The following SEMA3C variants were observed in gnomAD, a reference collection of about 807,000 sequenced individuals.
SEMA3C encodes semaphorin-3C.
In SEMA3C, 47 loss-of-function variants were observed where a neutral mutation model predicts 89.4. The observed-to-expected ratio is 0.53, with a 90% CI of 0.42 to 0.67. The LOEUF is 0.67. SEMA3C is among the 30% of genes least tolerant of loss of function. The pLI is 0.00. For synonymous variants in SEMA3C, 310 were observed against 320.2 expected (o/e 0.97, Z 0.34); for missense variants, 839 against 929.1 (o/e 0.90, Z 1.26).
chr7:80,822,435 A>G (rs1562891366), intron 4 of SEMA3C, among the ~76,000 whole-genome samples: 1 of 152,088 alleles, frequency 6.6e-6, no homozygotes, highest in East Asian at 1.9e-4. Flanking sequence ...AACAGCATGA[A>G]CAGAAACACA....
In SEMA3C at chr7:80,815,554, C is replaced by CAAAAAAAAAAAAAAAAAAAAAAAAAAA. The variant is rs761990267; in HGVS notation, c.447+2744_447+2745insTTTTTTTTTTTTTTTTTTTTTTTTTTT. ...AAACCCAATCCTTTCTTTAAATGGGCAAAAAAAAAAAAAAAAAAAGTAAAT... is the reference window on the plus strand; with the variant it reads ...AAACCCAATCCTTTCTTTAAATGGGCAAAAAAAAAAAAAAAAAAAAAAAAAAAAAAAAAAAAAAAAAAAAAAGTAAAT... On this transcript the variant is annotated intron_variant, in intron 5 of 17. Coordinates refer to ENST00000265361, the MANE Select transcript of SEMA3C (RefSeq NM_006379.5). Among the ~76,000 whole-genome samples the CAAAAAAAAAAAAAAAAAAAAAAAAAAA allele has an allele frequency of 1.1e-3, 67 of 58,850 alleles. 4 individuals carry two copies. The highest frequency in any genetic ancestry group is 1.7e-3 in the Non-Finnish European group (53 of 30,848). The allele number at this position is 58,850 out of a possible 152,430, so 38.6% of individuals were successfully genotyped here.
chr7:80,778,270 C>G (rs1178011613), intron 12 of SEMA3C, among the ~76,000 whole-genome samples: 1 of 152,082 alleles, frequency 6.6e-6, no homozygotes, highest in East Asian at 1.9e-4. Flanking sequence ...AGAATTGTTT[C>G]TATTTATATT....
intron 2 of SEMA3C, among the ~76,000 whole-genome samples, chr7:80,881,415 C>G (rs1031175207): frequency 1.3e-5 from 2 of 152,056 alleles, no homozygotes; most frequent in African/African-American, 4.8e-5. Flanking sequence ...TTTTTTATCA[C>G]TAACATAGCA....
At chr7:80,909,684 A>AG (rs1792098659) in intron 2 of SEMA3C, among the ~76,000 whole-genome samples, 1 of 152,178 alleles carries the variant, frequency 6.6e-6, no homozygotes, top group Admixed American at 6.5e-5. Flanking sequence ...GGATTGACTA[A>AG]GGGGAATATG....
At chr7:80,820,435 G>T (rs1020080443) in intron 4 of SEMA3C, among the ~76,000 whole-genome samples, 4 of 151,860 alleles carry the variant, frequency 2.6e-5, no homozygotes, top group East Asian at 1.9e-4. Flanking sequence ...TGCTAAAATA[G>T]AAGTTAAAAT....
At chr7:80,868,294 A>G (rs533862081) in intron 2 of SEMA3C, among the ~76,000 whole-genome samples, 1 of 151,924 alleles carries the variant, frequency 6.6e-6, no homozygotes, top group South Asian at 2.1e-4. Flanking sequence ...CTGAGACAAG[A>G]TCTTACTCTG....
At chr7:80,776,151 G>A (rs1041381492) in intron 12 of SEMA3C, among the ~76,000 whole-genome samples, 3 of 151,854 alleles carry the variant, frequency 2.0e-5, no homozygotes, top group African/African-American at 7.3e-5. Flanking sequence ...CACCGTATAT[G>A]TACAAGACCG....
At chr7:80,867,127 G>T (rs1251749533) in intron 2 of SEMA3C, among the ~76,000 whole-genome samples, 1 of 152,004 alleles carries the variant, frequency 6.6e-6, no homozygotes, top group Non-Finnish European at 1.5e-5. Flanking sequence ...TGCAATTATG[G>T]GTGTTCATAA....
At chr7:80,781,639 G>T (rs992699436) in intron 12 of SEMA3C, among the ~76,000 whole-genome samples, 3 of 152,104 alleles carry the variant, frequency 2.0e-5, no homozygotes, top group South Asian at 2.1e-4. Flanking sequence ...TCTTCTCCTT[G>T]GGACAAAGCC....
intron 2 of SEMA3C, among the ~76,000 whole-genome samples, chr7:80,848,816 C>G (rs1328535499): frequency 6.6e-6 from 1 of 152,134 alleles, no homozygotes; most frequent in Admixed American, 6.5e-5. Flanking sequence ...TTTATAGAAG[C>G]TAGTCTTCTC....
intron 2 of SEMA3C, among the ~76,000 whole-genome samples, chr7:80,910,065 C>T (rs931992349): frequency 1.3e-5 from 2 of 152,082 alleles, no homozygotes; most frequent in African/African-American, 2.4e-5. Context: ...TTGTAACATA[C>T]ATTTGCAGGG....
chr7:80,798,253 A>T lies in SEMA3C; in HGVS notation c.987-17T>A. ...AAAACTGAGCTAAAAAAGAAAACAGAAAAAGGCATTTTCAAATTTTTAAAA... is the reference window on the plus strand; with the variant it reads ...AAAACTGAGCTAAAAAAGAAAACAGTAAAAGGCATTTTCAAATTTTTAAAA... On this transcript the variant is annotated splice_polypyrimidine_tract_variant and intron_variant, in intron 10 of 17. Coordinates refer to ENST00000265361, the MANE Select transcript of SEMA3C (RefSeq NM_006379.5). The T allele has an allele frequency of 7.1e-7, 1 of 1,410,086 alleles. No homozygotes were observed. The highest frequency in any genetic ancestry group is 9.3e-7 in the Non-Finnish European group (1 of 1,074,796). 87.3% of individuals were successfully genotyped at this position (1,410,086 alleles called of 1,614,324 possible).
intron 2 of SEMA3C, among the ~76,000 whole-genome samples, chr7:80,855,981 T>C (rs1056568049): frequency 5.9e-5 from 9 of 152,160 alleles, no homozygotes; most frequent in African/African-American, 1.7e-4. Flanking sequence ...AGATGAGCTT[T>C]TGTGAATGTA....
At chr7:80,755,611 T>C (rs1788048084) in intron 15 of SEMA3C, among the ~76,000 whole-genome samples, 2 of 151,900 alleles carry the variant, frequency 1.3e-5, no homozygotes, top group Non-Finnish European at 2.9e-5. Context: ...CTTCCTTCAG[T>C]ACTATATCTG....
intron 4 of SEMA3C, among the ~76,000 whole-genome samples, chr7:80,823,678 C>CTA (rs1290318439): frequency 6.6e-6 from 1 of 151,884 alleles, no homozygotes; most frequent in African/African-American, 2.4e-5. Flanking sequence ...AACTGATATT[C>CTA]TACAATTAAT....
intron 6 of SEMA3C, among the ~76,000 whole-genome samples, chr7:80,808,618 GAA>G (rs1327224444): frequency 6.6e-6 from 1 of 152,014 alleles, no homozygotes; most frequent in Non-Finnish European, 1.5e-5. Flanking sequence ...CTATTTAAAT[GAA>G]CCAAAGCAAG....
intron 11 of SEMA3C, among the ~76,000 whole-genome samples, chr7:80,794,095 A>G (rs192185661): frequency 4.9e-4 from 75 of 151,960 alleles, no homozygotes; most frequent in Admixed American, 3.4e-3. Flanking sequence ...TGCCTCCCCT[A>G]CATATAAAAG....
intron 2 of SEMA3C, among the ~76,000 whole-genome samples, chr7:80,845,024 T>C (rs1486984148): frequency 6.6e-6 from 1 of 152,110 alleles, no homozygotes; most frequent in Non-Finnish European, 1.5e-5. Flanking sequence ...AATCCAGAAG[T>C]GTGAACTCAT....
intron 2 of SEMA3C, among the ~76,000 whole-genome samples, chr7:80,835,406 G>A (rs1242571776): frequency 1.3e-5 from 2 of 152,084 alleles, no homozygotes; most frequent in South Asian, 4.1e-4. Context: ...CACATCTACA[G>A]ATTTCAAAGT....
Sources: gnomAD v4.1 joint callset for allele counts (sites outside exome capture counted in the v4.1 genomes callset) on GRCh38, gnomAD v4.1.1 for gene constraint, MANE v1.5 for transcripts, NCBI Gene and HGNC (gene_info 2026-07-23, HGNC 2026-07-21) for gene names.